Variants in MAML2 observed in about 807,000 individuals in gnomAD.
MAML2 encodes mastermind like transcriptional coactivator 2, also known as mastermind-like protein 2.
In MAML2, 22 loss-of-function variants were observed where a neutral mutation model predicts 96.1. That is an observed-to-expected ratio of 0.23 (90% CI 0.16 to 0.33). MAML2 has a LOEUF of 0.33. Ranked by LOEUF, MAML2 falls within the 10% of genes least tolerant of loss-of-function variation. The pLI is 1.00. For missense variants in MAML2, 1,367 were observed against 1,392.4 expected (o/e 0.98, Z 0.29); for synonymous variants, 561 against 521.3 (o/e 1.08, Z -1.04).
At chr11:96,137,143 TAAAAGGG>T (rs1860648551) in intron 1 of MAML2, among the ~76,000 whole-genome samples, 1 of 152,158 alleles carries the variant, frequency 6.6e-6, no homozygotes, top group African/African-American at 2.4e-5. Context: ...GAAACCGGGT[TAAAAGGG>T]AAGGAAATGT....
At chr11:96,204,561 G>C (rs909725183) in intron 1 of MAML2, among the ~76,000 whole-genome samples, 2 of 152,222 alleles carry the variant, frequency 1.3e-5, no homozygotes, top group African/African-American at 4.8e-5. Flanking sequence ...AGATAATAAA[G>C]AGGTCACTGA....
intron 2 of MAML2, among the ~76,000 whole-genome samples, chr11:96,056,536 C>A (rs1859073277): frequency 6.6e-6 from 1 of 152,090 alleles, no homozygotes; most frequent in South Asian, 2.1e-4. Flanking sequence ...CTCTTTAAAT[C>A]TGGAATTTAA....
intron 1 of MAML2, among the ~76,000 whole-genome samples, chr11:96,235,658 A>G (rs536980756): frequency 6.6e-6 from 1 of 152,352 alleles, no homozygotes; most frequent in Non-Finnish European, 1.5e-5. Context: ...TCTGTGTTCT[A>G]AGGGGATTGA....
At chr11:96,162,561 A>G (rs7108029) in intron 1 of MAML2, among the ~76,000 whole-genome samples, 11,531 of 151,880 alleles carry the variant, frequency 0.076, 526 homozygotes, top group Non-Finnish European at 0.097. Flanking sequence ...AAAATACGAA[A>G]TTAGCCGGGC....
chr11:96,012,476 C>T (rs1176289480), intron 2 of MAML2, among the ~76,000 whole-genome samples: 1 of 152,174 alleles, frequency 6.6e-6, no homozygotes, highest in African/African-American at 2.4e-5. Context: ...TCTGAAGGGA[C>T]GCCCAGGCAG....
At chr11:96,211,969 C>G (rs1861978155) in intron 1 of MAML2, among the ~76,000 whole-genome samples, 1 of 151,886 alleles carries the variant, frequency 6.6e-6, no homozygotes, top group Non-Finnish European at 1.5e-5. Context: ...GCAACTGTAT[C>G]AGTAAAATAG....
intron 1 of MAML2, among the ~76,000 whole-genome samples, chr11:96,274,784 C>G (rs532518242): frequency 1.1e-4 from 17 of 152,192 alleles, no homozygotes; most frequent in African/African-American, 4.1e-4. Context: ...GAAAAAAATG[C>G]ATTCTTTTTG....
At chr11:96,021,200 G>A (rs748539039) in intron 2 of MAML2, among the ~76,000 whole-genome samples, 32 of 152,148 alleles carry the variant, frequency 2.1e-4, no homozygotes, top group Non-Finnish European at 4.4e-4. Context: ...ACACTGTATA[G>A]GTTTGTTCTC....
At chr11:96,208,342 C>T (rs1010655973) in intron 1 of MAML2, among the ~76,000 whole-genome samples, 2 of 152,200 alleles carry the variant, frequency 1.3e-5, no homozygotes, top group Admixed American at 6.5e-5. Context: ...ACCCAGTGTG[C>T]CTGGCACCCA....
chr11:96,216,835 A>G (rs1280660077), intron 1 of MAML2, among the ~76,000 whole-genome samples: 1 of 152,232 alleles, frequency 6.6e-6, no homozygotes, highest in Non-Finnish European at 1.5e-5. Flanking sequence ...AACTCTGGGT[A>G]GGACACTGGG....
chr11:96,337,299 A>G (rs973858185), intron 1 of MAML2, among the ~76,000 whole-genome samples: 2 of 152,222 alleles, frequency 1.3e-5, no homozygotes, highest in African/African-American at 4.8e-5. Context: ...CTGGCCTCCC[A>G]CTTACAGCTC....
At chr11:95,994,748 A>G (rs758934695) in intron 2 of MAML2, among the ~76,000 whole-genome samples, 1 of 152,338 alleles carries the variant, frequency 6.6e-6, no homozygotes, top group Non-Finnish European at 1.5e-5. Flanking sequence ...TAAGACTTTC[A>G]AAAGAAGATT....
At chr11:95,998,362 T>C (rs1197064337) in intron 2 of MAML2, among the ~76,000 whole-genome samples, 1 of 152,188 alleles carries the variant, frequency 6.6e-6, no homozygotes, top group Non-Finnish European at 1.5e-5. Flanking sequence ...TCCAAGCTGC[T>C]ATTCTTAACA....
intron 1 of MAML2, among the ~76,000 whole-genome samples, chr11:96,138,006 A>G (rs2135862917): frequency 6.6e-6 from 1 of 152,176 alleles, no homozygotes; most frequent in East Asian, 1.9e-4. Flanking sequence ...TGTCATTCCT[A>G]TTTTGAACCA....
chr11:96,260,511 G>A (rs2135972905), intron 1 of MAML2, among the ~76,000 whole-genome samples: 1 of 152,306 alleles, frequency 6.6e-6, no homozygotes, highest in African/African-American at 2.4e-5. Flanking sequence ...GGAGAGGGGT[G>A]TGCTTTTGGG....
chr11:96,070,291 A>G (rs1452197801), intron 2 of MAML2, among the ~76,000 whole-genome samples: 2 of 152,208 alleles, frequency 1.3e-5, no homozygotes, highest in Admixed American at 6.5e-5. Context: ...CTCCGTTTCA[A>G]TAAAAATAAA....
intron 1 of MAML2, among the ~76,000 whole-genome samples, chr11:96,205,636 T>G (rs1591071774): frequency 6.6e-6 from 1 of 152,378 alleles, no homozygotes; most frequent in East Asian, 1.9e-4. Context: ...GCTCACAGGC[T>G]GAATTGACTT....
intron 1 of MAML2, among the ~76,000 whole-genome samples, chr11:96,268,790 A>T (rs1329662276): frequency 9.2e-6 from 1 of 108,496 alleles, no homozygotes; most frequent in Non-Finnish European, 1.8e-5. Flanking sequence ...GTCTGCCGCC[A>T]TGTAAGATGT....
chr11:96,106,266 C>G (rs965817352), intron 1 of MAML2, among the ~76,000 whole-genome samples: 1 of 152,274 alleles, frequency 6.6e-6, no homozygotes, highest in Non-Finnish European at 1.5e-5. Flanking sequence ...ACCACCTCAC[C>G]TATATTGAAA....
Sources: allele counts gnomAD v4.1 joint callset (sites outside exome capture counted in the v4.1 genomes callset), GRCh38; gene constraint gnomAD v4.1.1; transcripts MANE v1.5; gene names NCBI Gene and HGNC (gene_info 2026-07-23, HGNC 2026-07-21).